AGMAT: variants seen among roughly 807,000 people sequenced by gnomAD.
The protein encoded by AGMAT is guanidino acid hydrolase, mitochondrial.
AGMAT carries 37 observed loss-of-function variants against 29.3 expected under a neutral mutation model. The observed-to-expected ratio is 1.26, with a 90% CI of 0.97 to 1.66. The LOEUF (loss-of-function observed/expected upper bound fraction) is 1.66. AGMAT is among the 40% of genes most tolerant of loss of function. AGMAT has a pLI of 0.00. For synonymous variants in AGMAT, 199 were observed against 200.8 expected (o/e 0.99, Z 0.08); for missense variants, 498 against 497.8 (o/e 1.00, Z 0.00).
intron 2 of AGMAT, among the ~76,000 whole-genome samples, chr1:15,581,177 G>A (rs1388499116): frequency 1.3e-5 from 2 of 151,868 alleles, no homozygotes; most frequent in African/African-American, 2.4e-5. Flanking sequence ...TTAAGACCCC[G>A]TCTTTGCAAA....
At chr1:15,577,987 C>A in intron 4 of AGMAT, 123 bp from the exon 5 acceptor site, 1 of 953,900 alleles carries the variant, frequency 1.0e-6, no homozygotes, top group African/African-American at 1.7e-5. Context: ...GAAGAGGGAA[C>A]TATCCTATTT....
Position 15,584,906 on chromosome 1 carries a change from G to C in AGMAT, c.62C>G (p.Pro21Arg), listed in dbSNP as rs1286226584. The change falls in exon 1 of 7, where the codon CCT (proline) becomes CGT (arginine). Residue 21 changes from proline (P) to arginine (R), a missense_variant. Pro to Arg is a moderately radical substitution (Grantham distance 103). Coordinates refer to ENST00000375826, the MANE Select transcript of AGMAT (RefSeq NM_024758.5). ...RGPGPGVGAR[P>R]AAGLFHPGRR... ...CCCCGGATGAAAGAGCCCTGCGGCA[G>C]GACGCGCGCCCACGCCGGGCCCCGG... is the stretch of plus-strand genomic sequence containing the variant. 4 of 1,390,630 alleles carry C rather than the reference G, an allele frequency of 2.9e-6. No homozygotes were observed. Among genetic ancestry groups the C allele is most frequent in the Admixed American group, 7.1e-5 (2 of 28,292 alleles). 86.1% of individuals were successfully genotyped at this position (1,390,630 alleles called of 1,614,324 possible).
chr1:15,579,865 G>A (rs1557597075), intron 3 of AGMAT, among the ~76,000 whole-genome samples: 1 of 152,176 alleles, frequency 6.6e-6, no homozygotes, highest in Non-Finnish European at 1.5e-5. Context: ...ACACATACCA[G>A]GAGAGATCTA....
At position 15,572,938 on chromosome 1, in the gene AGMAT, A is replaced by G; in HGVS notation, c.*713T>C. 6.6e-6 allele frequency: 1 copy of G among 151,512 alleles called. No homozygotes were observed. The highest frequency in any genetic ancestry group is 2.4e-5 in the African/African-American group (1 of 41,196). The allele number at this position is 151,512 out of a possible 1,614,324, so 9.4% of individuals were successfully genotyped here. ...AGCTGTAGTTTAAAGGAAGATACTC[A>G]ATACTCTAGGAAGCAGATCATCAAA... is the stretch of plus-strand genomic sequence containing the variant. On this transcript the variant is annotated 3_prime_UTR_variant, in exon 7 of 7. Transcript: ENST00000375826.
chr1:15,580,199 A>ATTTT, intron 2 of AGMAT, 57 bp from the exon 3 acceptor site: 3 of 1,036,014 alleles, frequency 2.9e-6, no homozygotes, highest in East Asian at 5.3e-5. Context: ...ACATAGAATA[A>ATTTT]TCTTTTTTTT....
At chr1:15,576,890 C>T (rs921741748) in intron 5 of AGMAT, among the ~76,000 whole-genome samples, 56 of 151,366 alleles carry the variant, frequency 3.7e-4, no homozygotes, top group African/African-American at 1.2e-3. Flanking sequence ...GCTGAGATTA[C>T]AGGCACCCGC....
At chr1:15,583,461 G>T in intron 1 of AGMAT, 66 bp from the exon 2 acceptor site, 1 of 1,482,994 alleles carries the variant, frequency 6.7e-7, no homozygotes. Flanking sequence ...CTTAGGCCAG[G>T]GCTTCTCAGC....
Position 15,584,787 on chromosome 1 carries a change from G to A in AGMAT, c.181C>T (p.Arg61Cys), listed in dbSNP as rs763713786. ...TCGGGGGAGGTCTGCACCGGCAGGCGCATCATGGAGCAGACGCCCACCGGC... is the reference window on the plus strand; with the variant it reads ...TCGGGGGAGGTCTGCACCGGCAGGCACATCATGGAGCAGACGCCCACCGGC... ...ARPVGVCSMM[R>C]LPVQTSPEGL... The change falls in exon 1 of 7, where the codon CGC becomes TGC. Residue 61 changes from arginine (R) to cysteine (C), a missense_variant. By Grantham distance (180) the Arg-to-Cys change is radical. Transcript: ENST00000375826. 5 of 1,380,146 alleles carry A rather than the reference G, an allele frequency of 3.6e-6. No homozygotes were observed. In the Admixed American group the frequency reaches 9.7e-5, roughly 27 times the overall value. The allele number at this position is 1,380,146 out of a possible 1,614,324, so 85.5% of individuals were successfully genotyped here.
chr1:15,582,142 G>A (rs1398763908), intron 2 of AGMAT, among the ~76,000 whole-genome samples: 2 of 142,792 alleles, frequency 1.4e-5, no homozygotes, highest in African/African-American at 2.7e-5. Context: ...GCTGGCGGGC[G>A]CCTATAATCC....
At chr1:15,573,829 C>T in intron 6 of AGMAT, 105 bp from the exon 7 acceptor site, 1 of 1,033,820 alleles carries the variant, frequency 9.7e-7, no homozygotes, top group Non-Finnish European at 1.5e-6. Flanking sequence ...TTTTCCAGAG[C>T]CCTGTCTTGT....
intron 5 of AGMAT, among the ~76,000 whole-genome samples, chr1:15,576,843 G>A (rs1216512537): frequency 5.0e-5 from 7 of 140,980 alleles, no homozygotes; most frequent in Admixed American, 3.1e-4. Context: ...TCTGCCTCCC[G>A]GGTTCATGCC....
chr1:15,576,737 G>GTTTTTTT (rs1420717123), intron 5 of AGMAT, among the ~76,000 whole-genome samples: 4 of 31,584 alleles, frequency 1.3e-4, no homozygotes, highest in African/African-American at 3.8e-4. Context: ...CAAGTTTAGT[G>GTTTTTTT]TTCTTTTTTT....
chr1:15,585,001 C>T lies in AGMAT; in HGVS notation c.-34G>A, dbSNP rs1249750393. The T allele has an allele frequency of 9.4e-6, 12 of 1,278,818 alleles. No homozygotes were observed. The highest frequency in any genetic ancestry group is 1.1e-5 in the Non-Finnish European group (11 of 1,015,890). 79.2% of individuals were successfully genotyped at this position (1,278,818 alleles called of 1,614,324 possible). ...GCGGCCAAGACCTCACCGACCAAAC[C>T]GCCCGCGAGGCCGCCGCGATCTGGC... On this transcript the variant is annotated 5_prime_UTR_variant, in exon 1 of 7. Coordinates refer to ENST00000375826, the MANE Select transcript of AGMAT (RefSeq NM_024758.5).
At position 15,585,037 on chromosome 1, in the gene AGMAT, C is replaced by G. The variant is rs989092387; in HGVS notation, c.-70G>C. 4.2e-5 allele frequency: 53 copies of G among 1,263,446 alleles called. No individual in the cohort carries two copies. In the South Asian group the frequency reaches 1.1e-3, roughly 25 times the overall value. 78.3% of individuals were successfully genotyped at this position (1,263,446 alleles called of 1,614,324 possible). ...CCGCCGCGATCTGGCTGGTCCCGAA[C>G]GGCGAGGCGAGTGTGCACGCGCCAG... On this transcript the variant is annotated 5_prime_UTR_variant, in exon 1 of 7. Coordinates refer to ENST00000375826, the MANE Select transcript of AGMAT (RefSeq NM_024758.5).
rs763026873 is a variant in AGMAT, at chr1:15,578,886, C to T, written c.693G>A (p.Leu231=). The change falls in exon 4 of 7, where the codon TTG becomes TTA. Residue 231 remains leucine, a synonymous_variant. Transcript: ENST00000375826. ...GGCTCCGGTTGTATCTGTAGGGATC[C>T]AAGGTCGTGGAAGAGCCCCGGATGC... The part of the protein sequence containing the change: ...QIGIRGSSTT[L]DPYRYNRSQG... 2.6e-5 allele frequency: 42 copies of T among 1,614,014 alleles called. No individual in the cohort carries two copies. In the South Asian group the frequency reaches 3.1e-4, roughly 12 times the overall value.
intron 1 of AGMAT, 49 bp from the exon 2 acceptor site, chr1:15,583,444 G>A (rs1570944478): frequency 6.4e-7 from 1 of 1,560,168 alleles, no homozygotes; most frequent in East Asian, 2.3e-5. Flanking sequence ...AGAGATTTCA[G>A]GCTTTGCTTA....
Position 15,577,865 on chromosome 1 carries a change from C to T in AGMAT, c.721-1G>A, listed in dbSNP as rs971074936. 1.3e-5 allele frequency: 21 copies of T among 1,613,582 alleles called. No homozygotes were observed. Among genetic ancestry groups the T allele is most frequent in the East Asian group, 8.9e-5 (4 of 44,880 alleles). Reference sequence around the variant, plus strand: ...CTTCAGCCAGGACTACCCGGAAGCCCTGCAGAGACAGGGACTGAGGTTTCT... The same window carrying T: ...CTTCAGCCAGGACTACCCGGAAGCCTTGCAGAGACAGGGACTGAGGTTTCT... On this transcript the variant is annotated splice_acceptor_variant, in intron 4 of 6. Transcript: ENST00000375826. LOFTEE classifies it high-confidence loss of function.
Position 15,577,596 on chromosome 1 carries a change from C to G in AGMAT, c.900+89G>C. The G allele has an allele frequency of 2.2e-6, 3 of 1,367,926 alleles. No homozygotes were observed. The East Asian group carries it at 7.0e-5, about 32-fold the overall frequency. The allele number at this position is 1,367,926 out of a possible 1,614,324, so 84.7% of individuals were successfully genotyped here. A position where few individuals can be genotyped will look rare whatever the true frequency, so the allele number is the denominator to read the frequency against. On this transcript the variant is annotated intron_variant, in intron 5 of 6. Transcript: ENST00000375826. The stretch of plus-strand genomic sequence containing the variant: ...TCAAACAAACAAACAAAAATCCTAT[C>G]CTGATTCCTAAAGATTCGCTTCAAG...
intron 2 of AGMAT, among the ~76,000 whole-genome samples, chr1:15,581,194 A>G (rs945578385): frequency 2.0e-5 from 3 of 152,032 alleles, no homozygotes; most frequent in African/African-American, 7.2e-5. Context: ...CAAAAAATAC[A>G]AAAATTAGCT....
Sources: allele counts gnomAD v4.1 joint callset (sites outside exome capture counted in the v4.1 genomes callset), GRCh38; gene constraint gnomAD v4.1.1; transcripts MANE v1.5; gene names NCBI Gene and HGNC (gene_info 2026-07-23, HGNC 2026-07-21).